The following UBR3 variants were observed in gnomAD, a reference collection of about 807,000 sequenced individuals.
UBR3 encodes the protein E3 ubiquitin-protein ligase UBR3.
UBR3 carries 85 observed loss-of-function variants against 243.2 expected under a neutral mutation model. That is an observed-to-expected ratio of 0.35 (90% confidence interval 0.29 to 0.42). The LOEUF is 0.42. Ranked by LOEUF, UBR3 falls within the 10% of genes least tolerant of loss-of-function variation. The pLI is 1.00. For missense variants in UBR3, 1,686 were observed against 2,300.8 expected (o/e 0.73, Z 5.47); for synonymous variants, 748 against 799.8 (o/e 0.94, Z 1.09).
At chr2:169,918,940 A>AT (rs2085574525) in intron 11 of UBR3, among the ~76,000 whole-genome samples, 1 of 152,210 alleles carries the variant, frequency 6.6e-6, no homozygotes, top group Non-Finnish European at 1.5e-5. Flanking sequence ...GTGCTTCTGT[A>AT]AAGTTGTGAC....
At chr2:169,846,538 C>T (rs937419829) in intron 1 of UBR3, among the ~76,000 whole-genome samples, 10 of 151,928 alleles carry the variant, frequency 6.6e-5, no homozygotes, top group Admixed American at 1.3e-4. Flanking sequence ...GGTGAAACTC[C>T]GTCTCTACTA....
At chr2:169,852,712 G>A (rs370219321) in intron 1 of UBR3, among the ~76,000 whole-genome samples, 12 of 150,980 alleles carry the variant, frequency 7.9e-5, no homozygotes, top group African/African-American at 2.7e-4. Flanking sequence ...AAAGCTGGGT[G>A]TGGTGGCAGA....
At chr2:169,943,762 GA>G in intron 20 of UBR3, among the ~76,000 whole-genome samples, 1 of 151,980 alleles carries the variant, frequency 6.6e-6, no homozygotes, top group Non-Finnish European at 1.5e-5. Context: ...GAAATTCAAA[GA>G]AAAATGAGAA....
intron 8 of UBR3, among the ~76,000 whole-genome samples, chr2:169,897,161 A>G (rs1160719598): frequency 6.6e-6 from 1 of 152,206 alleles, no homozygotes; most frequent in Non-Finnish European, 1.5e-5. Context: ...TGGCTATACC[A>G]TAATTTATTT....
intron 1 of UBR3, among the ~76,000 whole-genome samples, chr2:169,866,082 C>T (rs980134460): frequency 1.1e-4 from 14 of 128,916 alleles, no homozygotes; most frequent in East Asian, 2.7e-4. Context: ...ACCCGGGAGG[C>T]GGAGGTTGCA....
At chr2:169,830,389 A>G (rs1327187304) in intron 1 of UBR3, among the ~76,000 whole-genome samples, 1 of 152,180 alleles carries the variant, frequency 6.6e-6, no homozygotes, top group Non-Finnish European at 1.5e-5. Flanking sequence ...ACTTTTATCT[A>G]TTTGGTTAAA....
At chr2:169,977,542 A>G (rs2088508824) in intron 24 of UBR3, among the ~76,000 whole-genome samples, 1 of 152,180 alleles carries the variant, frequency 6.6e-6, no homozygotes, top group South Asian at 2.1e-4. Flanking sequence ...CCAAAGGCCA[A>G]AGAACCTGTG....
intron 1 of UBR3, among the ~76,000 whole-genome samples, chr2:169,844,313 T>G (rs1042969623): frequency 6.6e-6 from 1 of 152,190 alleles, no homozygotes; most frequent in African/African-American, 2.4e-5. Context: ...ATTCGATTTC[T>G]TTAGTGACCT....
intron 1 of UBR3, among the ~76,000 whole-genome samples, chr2:169,861,280 A>C (rs1405142714): frequency 1.3e-5 from 2 of 152,168 alleles, no homozygotes; most frequent in Non-Finnish European, 2.9e-5. Context: ...TTGACCAGTT[A>C]TGAGTTGCAA....
Position 169,918,307 on chromosome 2 carries a change from C to CTTTT in UBR3, c.1866+4173_1866+4176dup, listed in dbSNP as rs35089044. The stretch of plus-strand genomic sequence containing the variant: ...AAGTTTAATTGTTAATATATTTTTA[C>CTTTT]TTTTTTTTTTTTTTTAACACTGCTG... On this transcript the variant is annotated intron_variant, in intron 11 of 38. Transcript: ENST00000272793. Among the ~76,000 whole-genome samples, 73 of 141,626 alleles carry CTTTT rather than the reference C, an allele frequency of 5.2e-4. 1 individual carries two copies. The South Asian group carries it at 6.1e-3, about 12-fold the overall frequency. The allele number at this position is 141,626 out of a possible 152,430, so 92.9% of individuals were successfully genotyped here. A position where few individuals can be genotyped will look rare whatever the true frequency, so the allele number is the denominator to read the frequency against.
chr2:169,943,392 G>C (rs1268732212), intron 20 of UBR3, among the ~76,000 whole-genome samples: 1 of 152,116 alleles, frequency 6.6e-6, no homozygotes, highest in Non-Finnish European at 1.5e-5. Flanking sequence ...CACGAGGTCA[G>C]GAGTTCGAGA....
intron 31 of UBR3, among the ~76,000 whole-genome samples, chr2:170,030,742 G>T (rs1162267498): frequency 6.6e-6 from 1 of 151,962 alleles, no homozygotes; most frequent in Non-Finnish European, 1.5e-5. Context: ...TTGATTTATA[G>T]TTCAGCTCAT....
intron 1 of UBR3, among the ~76,000 whole-genome samples, chr2:169,840,171 T>A (rs1468389586): frequency 6.6e-6 from 1 of 152,178 alleles, no homozygotes; most frequent in South Asian, 2.1e-4. Flanking sequence ...AGGGATGTGC[T>A]TATTAAGGCC....
intron 27 of UBR3, 124 bp downstream of exon 27, chr2:170,001,538 T>C (rs2089696043): frequency 1.6e-6 from 1 of 618,874 alleles, no homozygotes; most frequent in African/African-American, 1.8e-5. Context: ...GTATAAACTA[T>C]CCAGTCTCAC....
chr2:169,843,398 A>C (rs1383103089), intron 1 of UBR3, among the ~76,000 whole-genome samples: 1 of 152,224 alleles, frequency 6.6e-6, no homozygotes, highest in South Asian at 2.1e-4. Flanking sequence ...GTGGATAAGC[A>C]AAAGGGGCCT....
chr2:169,903,857 G>A (rs539647120), intron 8 of UBR3, among the ~76,000 whole-genome samples: 1 of 152,038 alleles, frequency 6.6e-6, no homozygotes, highest in Admixed American at 6.5e-5. Context: ...CCCCATCTTT[G>A]AAAAAATATA....
intron 5 of UBR3, among the ~76,000 whole-genome samples, chr2:169,890,525 G>GGA (rs781214598): frequency 0.012 from 840 of 67,780 alleles, 44 homozygotes; most frequent in African/African-American, 0.051. Flanking sequence ...GGTTTTTCTA[G>GGA]GAGAGAGAGA....
At chr2:169,942,278 A>G (rs1403504868) in intron 19 of UBR3, among the ~76,000 whole-genome samples, 2 of 152,102 alleles carry the variant, frequency 1.3e-5, no homozygotes, top group South Asian at 2.1e-4. Flanking sequence ...TTTAATTTTC[A>G]GCTTAGCTCT....
chr2:169,863,364 T>A (rs2083152700), intron 1 of UBR3, among the ~76,000 whole-genome samples: 1 of 152,254 alleles, frequency 6.6e-6, no homozygotes, highest in Admixed American at 6.5e-5. Context: ...CAATTTGTTA[T>A]CGGTTATGCT....
Sources: allele counts gnomAD v4.1 joint callset (sites outside exome capture counted in the v4.1 genomes callset), GRCh38; gene constraint gnomAD v4.1.1; transcripts MANE v1.5; gene names NCBI Gene and HGNC (gene_info 2026-07-23, HGNC 2026-07-21).